The following DHX36 variants were observed in gnomAD, a reference collection of about 807,000 sequenced individuals.
DHX36 encodes the protein DEAH-box helicase 36.
Under a neutral mutation model 139.0 loss-of-function variants are expected in DHX36, and 50 were observed. The observed-to-expected ratio is 0.36, with a 90% CI of 0.29 to 0.46. DHX36 has a LOEUF of 0.46. Among genes scored for constraint, DHX36 ranks in the 20% least tolerant of loss-of-function variants. The probability of loss-of-function intolerance (pLI) is 1.00; values close to 1 mark genes in which losing one functional copy is unlikely to be tolerated. For synonymous variants in DHX36, 425 were observed against 401.9 expected, an observed-to-expected ratio of 1.06 and a Z score of -0.69; for missense variants, 1,024 against 1,211.3, an observed-to-expected ratio of 0.85 and a Z score of 2.29.
intron 15 of DHX36, among the ~76,000 whole-genome samples, chr3:154,291,079 G>A (rs981064141): frequency 1.2e-4 from 16 of 132,360 alleles, no homozygotes; most frequent in Non-Finnish European, 2.5e-4. Flanking sequence ...AGCTTGCAGT[G>A]AGCCGAGATC....
At chr3:154,314,540 G>C (rs767160415) in intron 3 of DHX36, 3 of 152,604 alleles carry the variant, frequency 2.0e-5, no homozygotes, top group African/African-American at 4.8e-5. Context: ...AACTGAAAGG[G>C]ACCTTAAAAT....
chr3:154,323,644 C>A (rs182554187), intron 1 of DHX36, among the ~76,000 whole-genome samples: 3 of 152,178 alleles, frequency 2.0e-5, no homozygotes, highest in South Asian at 2.1e-4. Context: ...TCCACCCCAA[C>A]ATAAAAAACA....
At chr3:154,297,481 G>A (rs528370003) in intron 12 of DHX36, among the ~76,000 whole-genome samples, 1 of 152,302 alleles carries the variant, frequency 6.6e-6, no homozygotes, top group East Asian at 1.9e-4. Flanking sequence ...GAGAGGCCAA[G>A]GCAGGTGGAT....
At chr3:154,310,616 A>G (rs1406147268) in intron 4 of DHX36, among the ~76,000 whole-genome samples, 2 of 150,058 alleles carry the variant, frequency 1.3e-5, no homozygotes, top group African/African-American at 4.9e-5. Flanking sequence ...CCCCATCTCT[A>G]CTAAAAACAC....
chr3:154,292,726 AACACACACACACACACACAC>A (rs58416816), intron 14 of DHX36, 32 bp from the exon 15 acceptor site: 10 of 1,516,358 alleles, frequency 6.6e-6, no homozygotes, highest in Admixed American at 2.0e-5. Context: ...AAAATGTTAA[AACACACACACACACACACAC>A]ACACACACAC....
At chr3:154,279,597 T>C (rs987255023) in intron 22 of DHX36, 1 of 152,226 alleles carries the variant, frequency 6.6e-6, no homozygotes, top group African/African-American at 2.4e-5. Flanking sequence ...ATAGGGTTTC[T>C]TGACTTTAGT....
At chr3:154,323,626 G>T (rs1038151382) in intron 1 of DHX36, among the ~76,000 whole-genome samples, 1 of 151,990 alleles carries the variant, frequency 6.6e-6, no homozygotes, top group African/African-American at 2.4e-5. Context: ...CTCATCAATA[G>T]AAATTTCTCC....
At position 154,284,971 on chromosome 3, in the gene DHX36, T is replaced by A; in HGVS notation, c.2048A>T (p.Gln683Leu). ...HLMELNALDK[Q>L]EELTPLGVHL... is the part of the protein sequence containing the mutation. ...GACTCCAAGAGGTGTCAATTCTTCT[T>A]GTTTATCCAAAGCGTTCTGTAAAGG... is the stretch of plus-strand genomic sequence containing the variant. Residue 683 changes from glutamine to leucine, a missense_variant, in exon 18 of 25, where the codon CAA becomes CTA. Gln to Leu is a moderately radical substitution (Grantham distance 113). Transcript: ENST00000496811. 1.2e-6 allele frequency: 2 copies of A among 1,614,172 alleles called. No individual in the cohort carries two copies.
At chr3:154,315,410 A>C in intron 2 of DHX36, 130 bp from the exon 3 acceptor site, 1 of 575,050 alleles carries the variant, frequency 1.7e-6, no homozygotes, top group East Asian at 3.0e-5. Context: ...CTTTTCTCTT[A>C]GTACAGTAAT....
chr3:154,319,284 G>C (rs1713102726), intron 1 of DHX36: 1 of 151,976 alleles, frequency 6.6e-6, no homozygotes, highest in African/African-American at 2.4e-5. Context: ...CCTGCTTCTA[G>C]TTTTCAGTTC....
intron 5 of DHX36, among the ~76,000 whole-genome samples, chr3:154,308,897 AC>A (rs1712617663): frequency 6.6e-6 from 1 of 152,170 alleles, no homozygotes; most frequent in Non-Finnish European, 1.5e-5. Flanking sequence ...TTCAAAAATG[AC>A]TGACTATGGC....
At chr3:154,292,830 C>A in intron 14 of DHX36, 136 bp from the exon 15 acceptor site, 1 of 1,378,374 alleles carries the variant, frequency 7.3e-7, no homozygotes. Flanking sequence ...TTTATTACAT[C>A]AAATGATTTT....
At chr3:154,318,721 C>T (rs761512012) in intron 1 of DHX36, among the ~76,000 whole-genome samples, 2 of 152,084 alleles carry the variant, frequency 1.3e-5, no homozygotes, top group Non-Finnish European at 2.9e-5. Flanking sequence ...TGTAGTACAC[C>T]CAGTGGTTAA....
At chr3:154,307,141 G>A (rs1712535785) in intron 5 of DHX36, among the ~76,000 whole-genome samples, 1 of 152,012 alleles carries the variant, frequency 6.6e-6, no homozygotes, top group African/African-American at 2.4e-5. Flanking sequence ...CCCCATAAAA[G>A]GGTGAAGACT....
intron 1 of DHX36, 65 bp downstream of exon 1, chr3:154,324,109 G>C (rs1305157210): frequency 4.7e-6 from 7 of 1,483,714 alleles, no homozygotes; most frequent in Non-Finnish European, 6.4e-6. Flanking sequence ...AAGAAAAAGG[G>C]GGCAGCGGGA....
In DHX36 at chr3:154,300,594, CTCT is replaced by C; in HGVS notation, c.1458_1460del (p.Glu487del). The C allele has an allele frequency of 1.9e-6, 3 of 1,608,262 alleles. No homozygotes were observed. The highest frequency in any genetic ancestry group is 2.7e-5 in the African/African-American group (2 of 74,754). ...CTGAAGAAAGAAAAATAAAACTAAC[CTCT>C]TCTTCCAAAACAATGTATCGGATGA... On this transcript the variant is annotated inframe_deletion and splice_region_variant, in exon 11 of 25. Transcript: ENST00000496811.
intron 13 of DHX36, among the ~76,000 whole-genome samples, chr3:154,294,173 G>A (rs530310764): frequency 3.3e-5 from 5 of 152,138 alleles, no homozygotes; most frequent in African/African-American, 9.6e-5. Flanking sequence ...AGTCTCCATG[G>A]GTAAGAACAC....
chr3:154,282,200 A>G (rs1425663310), intron 20 of DHX36, among the ~76,000 whole-genome samples: 3 of 152,170 alleles, frequency 2.0e-5, no homozygotes, highest in African/African-American at 7.2e-5. Flanking sequence ...GTATGCAGAC[A>G]CTAATGTCTA....
intron 12 of DHX36, among the ~76,000 whole-genome samples, chr3:154,296,028 G>A (rs1342781733): frequency 1.3e-5 from 2 of 152,118 alleles, no homozygotes; most frequent in East Asian, 1.9e-4. Flanking sequence ...TCAGCCTTCC[G>A]AAGTACTGGG....
Sources: gnomAD v4.1 joint callset for allele counts (sites outside exome capture counted in the v4.1 genomes callset) on GRCh38, gnomAD v4.1.1 for gene constraint, MANE v1.5 for transcripts, NCBI Gene and HGNC (gene_info 2026-07-23, HGNC 2026-07-21) for gene names.